The following MYT1L variants were observed in gnomAD, a reference collection of about 807,000 sequenced individuals.
The protein encoded by MYT1L is myelin transcription factor 1 like, also known as myelin transcription factor 1-like protein.
A neutral mutation model predicts 126.7 loss-of-function variants in MYT1L; 12 were observed. The ratio of observed to expected loss-of-function variants is 0.09; its 90% CI spans 0.06 to 0.15. The LOEUF is 0.15. MYT1L is among the 10% of genes least tolerant of loss of function. The probability of loss-of-function intolerance (pLI) is 1.00; values close to 1 mark genes in which losing one functional copy is unlikely to be tolerated. For synonymous variants in MYT1L, 541 were observed against 604.2 expected (o/e 0.90, Z 1.53); for missense variants, 979 against 1,585.2 (o/e 0.62, Z 6.49).
At chr2:1,934,969 G>C (rs959097231) in intron 9 of MYT1L, among the ~76,000 whole-genome samples, 4 of 152,178 alleles carry the variant, frequency 2.6e-5, no homozygotes, top group African/African-American at 7.2e-5. Context: ...GAGGGAAATT[G>C]AGAGGACATC....
chr2:1,936,519 C>A (rs942378634), intron 9 of MYT1L, among the ~76,000 whole-genome samples: 1 of 152,154 alleles, frequency 6.6e-6, no homozygotes, highest in Admixed American at 6.5e-5. Context: ...GATACCAAAT[C>A]ATCATATTCT....
chr2:2,065,223 C>A (rs1470575979), intron 3 of MYT1L, among the ~76,000 whole-genome samples: 1 of 152,048 alleles, frequency 6.6e-6, no homozygotes, highest in Non-Finnish European at 1.5e-5. Context: ...ACAAAAAAAT[C>A]AAATGTACTT....
At chr2:1,823,394 G>A (rs1285026897) in intron 21 of MYT1L, among the ~76,000 whole-genome samples, 1 of 152,214 alleles carries the variant, frequency 6.6e-6, no homozygotes, top group Admixed American at 6.5e-5. Context: ...CTCTCCACTT[G>A]GGGCACTCAG....
chr2:2,142,309 T>C (rs1240356723), intron 3 of MYT1L, among the ~76,000 whole-genome samples: 6 of 152,174 alleles, frequency 3.9e-5, no homozygotes, highest in Non-Finnish European at 2.9e-5. Context: ...TGCCGCGAAT[T>C]GTCATAGCAT....
intron 19 of MYT1L, 68 bp downstream of exon 19, chr2:1,851,573 G>A (rs771353673): frequency 8.6e-5 from 127 of 1,473,030 alleles, no homozygotes; most frequent in Non-Finnish European, 1.1e-4. Flanking sequence ...GGAGCCTGAC[G>A]TGAGTGATAT....
chr2:1,974,681 C>G (rs1003626454), intron 8 of MYT1L: 1 of 152,120 alleles, frequency 6.6e-6, no homozygotes, highest in Non-Finnish European at 1.5e-5. Context: ...AGAGTGTCTG[C>G]GTCTCTAAGG....
In MYT1L at chr2:1,943,212, T is replaced by C; in HGVS notation, c.275A>G (p.Asp92Gly). The C allele has an allele frequency of 6.4e-7, 1 of 1,552,250 alleles. No individual in the cohort carries two copies. The highest frequency in any genetic ancestry group is 8.7e-7 in the Non-Finnish European group (1 of 1,147,220). Residue 92 changes from aspartate to glycine, a missense_variant, in exon 9 of 25, where the codon GAC becomes GGC. Physicochemically the swap from Asp to Gly is moderately conservative, Grantham distance 94. Coordinates refer to ENST00000647738, the MANE Select transcript of MYT1L (RefSeq NM_001303052.2). This position sits in a 1 kb window ranked among gnomAD's most constrained non-coding sequence, Gnocchi z 4.4. ...ADSSSVDECDDSDGTEDMDEK... is the reference protein window; with the variant it reads ...ADSSSVDECDGSDGTEDMDEK... ...ATCCATGTCCTCAGTCCCATCACTG[T>C]CGTCACACTCATCCACTGAGGAGCT...
chr2:2,000,966 G>A (rs1644322183), intron 4 of MYT1L, among the ~76,000 whole-genome samples: 1 of 152,238 alleles, frequency 6.6e-6, no homozygotes, highest in Non-Finnish European at 1.5e-5. Context: ...TCAGAAGCAC[G>A]GGTTTTCTCT....
At chr2:2,242,432 G>T (rs2149150263) in intron 2 of MYT1L, among the ~76,000 whole-genome samples, 1 of 152,330 alleles carries the variant, frequency 6.6e-6, no homozygotes, top group South Asian at 2.1e-4. Context: ...TGCTGCTTTA[G>T]CTAGAAGAAA....
chr2:2,186,511 T>G (rs188875955), intron 2 of MYT1L, among the ~76,000 whole-genome samples: 50 of 152,348 alleles, frequency 3.3e-4, no homozygotes, highest in African/African-American at 1.2e-3. Context: ...AATTACGTTT[T>G]TAGCTTTGCC....
At chr2:2,192,303 T>G (rs932590200) in intron 2 of MYT1L, among the ~76,000 whole-genome samples, 1 of 152,256 alleles carries the variant, frequency 6.6e-6, no homozygotes, top group African/African-American at 2.4e-5. Flanking sequence ...TACAGAGCAG[T>G]TGTAAGGGAC....
chr2:2,060,761 T>G (rs915761284), intron 3 of MYT1L, among the ~76,000 whole-genome samples: 1 of 134,350 alleles, frequency 7.4e-6, no homozygotes, highest in Non-Finnish European at 1.6e-5. Flanking sequence ...GCCCACTTCC[T>G]CTCTCCCTCC....
At chr2:2,093,379 G>A (rs1179256046) in intron 3 of MYT1L, among the ~76,000 whole-genome samples, 2 of 148,784 alleles carry the variant, frequency 1.3e-5, no homozygotes, top group Non-Finnish European at 3.0e-5. Flanking sequence ...CAAACATGCT[G>A]TGATAATAAA....
chr2:2,243,500 T>A (rs2094475886), intron 2 of MYT1L, among the ~76,000 whole-genome samples: 1 of 152,176 alleles, frequency 6.6e-6, no homozygotes, highest in African/African-American at 2.4e-5. Flanking sequence ...TTAAGCTAGT[T>A]GTGAAGAAGT....
chr2:2,068,556 GATGTA>G (rs1461384954), intron 3 of MYT1L, among the ~76,000 whole-genome samples: 4 of 152,052 alleles, frequency 2.6e-5, no homozygotes, highest in Non-Finnish European at 5.9e-5. Flanking sequence ...AATAAATATA[GATGTA>G]ATGTATTACT....
chr2:2,116,534 T>C (rs1372208262), intron 3 of MYT1L, among the ~76,000 whole-genome samples: 1 of 152,210 alleles, frequency 6.6e-6, no homozygotes, highest in Non-Finnish European at 1.5e-5. Context: ...CCAGAGTGGG[T>C]CCCCAGTGAG....
chr2:2,262,933 A>ATATATATATATATATATATATATATAT (rs2095019360), intron 2 of MYT1L, among the ~76,000 whole-genome samples: 1 of 37,154 alleles, frequency 2.7e-5, no homozygotes, highest in Non-Finnish European at 5.0e-5. Context: ...TATATATATA[A>ATATATATATATATATATATATATATAT]CCTGTGATAT....
rs2046604987 is a variant in MYT1L at position 1,874,204 on chromosome 2, C to T, written c.2711+12335G>A. Among the ~76,000 whole-genome samples the T allele has an allele frequency of 2.0e-5, 3 of 150,700 alleles. No individual in the cohort carries two copies. The South Asian group carries it at 6.3e-4, about 32-fold the overall frequency. On this transcript the variant is annotated intron_variant, in intron 18 of 24. Coordinates refer to ENST00000647738, the MANE Select transcript of MYT1L (RefSeq NM_001303052.2). Reference sequence around the variant, plus strand: ...CAGGAAACGCTCTTTTTTTTTTTTCCCCCAAGATGAATTTTAAATGTAGGA... The same window carrying T: ...CAGGAAACGCTCTTTTTTTTTTTTCTCCCAAGATGAATTTTAAATGTAGGA...
chr2:1,988,038 A>G (rs1441077657), intron 5 of MYT1L, among the ~76,000 whole-genome samples: 1 of 152,178 alleles, frequency 6.6e-6, no homozygotes, highest in Admixed American at 6.5e-5. Flanking sequence ...GCTCCAAACA[A>G]GTTTCCATAG....
Sources: allele counts gnomAD v4.1 joint callset (sites outside exome capture counted in the v4.1 genomes callset), GRCh38; gene constraint gnomAD v4.1.1; non-coding constraint Gnocchi (gnomAD v3.1); transcripts MANE v1.5; gene names NCBI Gene and HGNC (gene_info 2026-07-23, HGNC 2026-07-21).